The following ABCA12 variants were observed in gnomAD, a reference collection of about 807,000 sequenced individuals.
ABCA12 encodes ATP binding cassette subfamily A member 12, also known as glucosylceramide transporter ABCA12.
ABCA12 carries 156 observed loss-of-function variants against 293.5 expected under a neutral mutation model. The observed-to-expected ratio is 0.53, with a 90% CI of 0.47 to 0.61. ABCA12 has a LOEUF of 0.61. Among genes scored for constraint, ABCA12 ranks in the 20% least tolerant of loss-of-function variants. The pLI is 0.00. For missense variants in ABCA12, 2,797 were observed against 3,090.2 expected (o/e 0.91, Z 2.25); for synonymous variants, 1,063 against 1,108.0 (o/e 0.96, Z 0.81).
chr2:215,108,478 GT>G lies in ABCA12; in HGVS notation c.163+3118del, dbSNP rs1312308366. Among the ~76,000 whole-genome samples the G allele has an allele frequency of 3.9e-5, 6 of 152,018 alleles. No individual in the cohort carries two copies. In the East Asian group the frequency reaches 1.2e-3, roughly 29 times the overall value. On this transcript the variant is annotated intron_variant, in intron 2 of 52. Transcript: ENST00000272895. ...CAAGATTCTGGGGCCAGACTGCTTG[GT>G]TTCAAATCCTGACACCACCACTTAT...
intron 2 of ABCA12, among the ~76,000 whole-genome samples, chr2:215,093,700 T>G (rs1321249044): frequency 6.6e-6 from 1 of 152,200 alleles, no homozygotes; most frequent in Non-Finnish European, 1.5e-5. Context: ...ACTTTCAAAA[T>G]CTATTTTCTT....
rs1013178171 is a variant in ABCA12, at chr2:215,133,062, G to A, written c.69+5078C>T. Among the ~76,000 whole-genome samples, 10 of 148,484 alleles carry A rather than the reference G, an allele frequency of 6.7e-5. No individual in the cohort carries two copies. In the East Asian group the frequency reaches 8.1e-4, roughly 12 times the overall value. ...CTAAAAATAGATCCTCATCTTTTCC[G>A]TTACAGGGCTTCTGCCAAGAAGTCC... is the stretch of plus-strand genomic sequence containing the variant. On this transcript the variant is annotated intron_variant, in intron 1 of 52. Coordinates refer to ENST00000272895, the MANE Select transcript of ABCA12 (RefSeq NM_173076.3).
chr2:214,950,904 A>G lies in ABCA12; in HGVS notation c.6827T>C (p.Ile2276Thr). 1 of 1,614,142 alleles carries G rather than the reference A, an allele frequency of 6.2e-7. No homozygotes were observed. Among genetic ancestry groups the G allele is most frequent in the African/African-American group, 1.3e-5 (1 of 75,040 alleles). ...IHKKIIAVNN[I>T]SIGIPAGECF... is the part of the protein sequence containing the mutation. ...CTCTCCAGCAGGTATCCCAATGCTG[A>G]TGTTGTTTACAGCTATAATCTTTTT... is the stretch of plus-strand genomic sequence containing the variant. The change falls in exon 45 of 53, where the codon ATC (isoleucine) becomes ACC (threonine). Residue 2276 changes from isoleucine (I) to threonine (T), a missense_variant. Around this residue, in one of 3 missense-constraint regions of ABCA12, gnomAD observed 2,130 missense variants for 2,427.0 expected, o/e 0.88. Coordinates refer to ENST00000272895, the MANE Select transcript of ABCA12 (RefSeq NM_173076.3).
intron 8 of ABCA12, chr2:215,035,718 A>C (rs1700978339): frequency 6.6e-6 from 1 of 151,826 alleles, no homozygotes. Flanking sequence ...AGTCATAGAC[A>C]TAAGACATGG....
chr2:214,954,962 T>C (rs1380349948), intron 43 of ABCA12, among the ~76,000 whole-genome samples: 1 of 152,194 alleles, frequency 6.6e-6, no homozygotes, highest in African/African-American at 2.4e-5. Context: ...ATACATCTGA[T>C]TTCACCTCTG....
rs1428081867 is a variant in ABCA12 at position 214,953,886 on chromosome 2, G to C, written c.6615C>G (p.Leu2205=). The C allele has an allele frequency of 9.9e-6, 16 of 1,613,782 alleles. No homozygotes were observed. The highest frequency in any genetic ancestry group is 8.8e-5 in the South Asian group (8 of 91,068). ...TCTTTATCAGGGATTCGTTGATTAA[G>C]AGTCGCAAGGAAAAAAACATGGTGC... The part of the protein sequence containing the change: ...SQGTMFFSLR[L]LINESLIKKL... The change falls in exon 44 of 53, where the codon CTC becomes CTG. Residue 2205 remains leucine, a synonymous_variant. Transcript: ENST00000272895.
intron 2 of ABCA12, among the ~76,000 whole-genome samples, chr2:215,094,780 T>C (rs148347529): frequency 0.01 from 1,565 of 152,264 alleles, 22 homozygotes; most frequent in African/African-American, 0.035. Flanking sequence ...CCGCCCCCTC[T>C]ACCCAGTTGC....
At chr2:214,971,840 T>A (rs1699392279) in intron 36 of ABCA12, among the ~76,000 whole-genome samples, 1 of 152,204 alleles carries the variant, frequency 6.6e-6, no homozygotes, top group East Asian at 1.9e-4. Flanking sequence ...CAAGTAGTTT[T>A]AAAAACTGTT....
At chr2:215,093,510 C>T (rs1031413131) in intron 2 of ABCA12, among the ~76,000 whole-genome samples, 8 of 152,176 alleles carry the variant, frequency 5.3e-5, no homozygotes, top group South Asian at 4.1e-4. Flanking sequence ...CAGGGCTGTG[C>T]GGTTAGAATT....
At chr2:215,079,883 A>G (rs1005322796) in intron 2 of ABCA12, among the ~76,000 whole-genome samples, 2 of 152,252 alleles carry the variant, frequency 1.3e-5, no homozygotes, top group Non-Finnish European at 2.9e-5. Flanking sequence ...AAGAAATTAA[A>G]TTTAGATATA....
chr2:215,043,983 C>T (rs887851161), intron 7 of ABCA12, among the ~76,000 whole-genome samples: 2 of 151,836 alleles, frequency 1.3e-5, no homozygotes, highest in African/African-American at 2.4e-5. Context: ...ACTTATTTAC[C>T]TTGTATGACT....
rs148043999 is a variant in ABCA12, at chr2:215,035,529, C to T, written c.985+1424G>A. Among the ~76,000 whole-genome samples, 1,399 of 151,682 alleles carry T rather than the reference C, an allele frequency of 9.2e-3. 14 individuals are homozygous for T. Among genetic ancestry groups the T allele is most frequent in the African/African-American group, 0.031 (1,288 of 41,346 alleles). On this transcript the variant is annotated intron_variant, in intron 8 of 52. Transcript: ENST00000272895. ...CTAAAAATACAAAAAAGTAGCCGGG[C>T]GTGGTAGGCGCCTGTAATCCCAGCT...
chr2:214,996,753 T>C lies in ABCA12; in HGVS notation c.3294+942A>G, dbSNP rs144212138. 2.0e-5 allele frequency among the ~76,000 whole-genome samples: 3 copies of C among 152,248 alleles called. No homozygotes were observed. The East Asian group carries it at 5.8e-4, about 29-fold the overall frequency. On this transcript the variant is annotated intron_variant, in intron 23 of 52. Coordinates refer to ENST00000272895, the MANE Select transcript of ABCA12 (RefSeq NM_173076.3). The stretch of plus-strand genomic sequence containing the variant: ...GCCTGATGCTGAACTAACAGAAATA[T>C]GTAGCAGCAACTTGTATCTTATAGG...
intron 22 of ABCA12, among the ~76,000 whole-genome samples, chr2:214,998,917 G>A (rs1559138530): frequency 6.6e-6 from 1 of 152,168 alleles, no homozygotes; most frequent in Non-Finnish European, 1.5e-5. Flanking sequence ...TTCACTTGGA[G>A]AAAGGTCCCA....
intron 3 of ABCA12, among the ~76,000 whole-genome samples, chr2:215,060,063 C>T (rs1351657364): frequency 2.0e-5 from 3 of 152,048 alleles, no homozygotes; most frequent in Non-Finnish European, 4.4e-5. Context: ...ATACACTCTC[C>T]AGTAAGATCC....
intron 1 of ABCA12, among the ~76,000 whole-genome samples, chr2:215,123,768 C>T (rs1297675617): frequency 6.6e-6 from 1 of 151,500 alleles, no homozygotes; most frequent in Non-Finnish European, 1.5e-5. Flanking sequence ...CTTTTTTAAT[C>T]TTTATTTTAA....
At chr2:215,016,142 T>C (rs1700492924) in intron 14 of ABCA12, among the ~76,000 whole-genome samples, 2 of 151,238 alleles carry the variant, frequency 1.3e-5, no homozygotes, top group Non-Finnish European at 2.9e-5. Flanking sequence ...AGACTCTGTC[T>C]CAAAAATAAA....
chr2:215,018,277 A>G, intron 13 of ABCA12, 145 bp from the exon 14 acceptor site: 1 of 916,058 alleles, frequency 1.1e-6, no homozygotes, highest in Non-Finnish European at 1.6e-6. Flanking sequence ...CAAACGTTGC[A>G]TATTTAGGAT....
At chr2:214,983,414 C>CG (rs1463693350) in intron 29 of ABCA12, among the ~76,000 whole-genome samples, 1 of 152,006 alleles carries the variant, frequency 6.6e-6, no homozygotes, top group Non-Finnish European at 1.5e-5. Flanking sequence ...GCAAAGGATT[C>CG]GGGGCAATAT....
Sources: gnomAD v4.1 joint callset for allele counts (sites outside exome capture counted in the v4.1 genomes callset) on GRCh38, gnomAD v4.1.1 for gene constraint, gnomAD v4.1.1 regional missense constraint, MANE v1.5 for transcripts, NCBI Gene and HGNC (gene_info 2026-07-23, HGNC 2026-07-21) for gene names.